KCNA6: variants seen among roughly 807,000 people sequenced by gnomAD.
KCNA6 encodes the protein potassium voltage-gated channel subfamily A member 6, also known as human brain potassium channel-2.
In KCNA6, 17 loss-of-function variants were observed where a neutral mutation model predicts 29.5. The observed-to-expected ratio is 0.58, with a 90% CI of 0.39 to 0.86. The LOEUF is 0.86. Ranked by LOEUF, KCNA6 falls within the 40% of genes least tolerant of loss-of-function variation. The pLI is 0.00. For synonymous variants in KCNA6, 296 were observed against 304.7 expected, an observed-to-expected ratio of 0.97 and a Z score of 0.30; for missense variants, 450 against 703.4, an observed-to-expected ratio of 0.64 and a Z score of 4.07.
chr12:4,822,433 G>C, the KCNA6 span, among the ~76,000 whole-genome samples: 1 of 152,116 alleles, frequency 6.6e-6, no homozygotes, highest in Non-Finnish European at 1.5e-5. Flanking sequence ...AAAGAAATGA[G>C]AGCAGAAATG....
At position 4,810,178 on chromosome 12, in the gene KCNA6, A is replaced by G. The variant is rs776414848; in HGVS notation, c.137A>G (p.Asn46Ser). The G allele has an allele frequency of 2.5e-6, 4 of 1,612,246 alleles. No individual in the cohort carries two copies. Among genetic ancestry groups the G allele is most frequent in the South Asian group, 2.2e-5 (2 of 90,994 alleles). ...TGTAGTAGCGAGCGGCTGGTGATCAATATCTCCGGGCTGCGCTTTGAGACA... is the reference window on the plus strand; with the variant it reads ...TGTAGTAGCGAGCGGCTGGTGATCAGTATCTCCGGGCTGCGCTTTGAGACA... Residue 46 changes from asparagine to serine, a missense_variant, in exon 1 of 1, where the codon AAT (asparagine) becomes AGT (serine). Physicochemically the swap from Asn to Ser is conservative, Grantham distance 46. This residue lies in a region of KCNA6 where 72 missense variants were observed against 64.2 expected (regional missense o/e 1.12). Transcript: ENST00000280684. The surrounding 1 kb of genome is among the most constrained non-coding windows in gnomAD (Gnocchi z 7.5).
downstream of KCNA6, among the ~76,000 whole-genome samples, chr12:4,817,460 C>A (rs1325054866): frequency 6.6e-6 from 1 of 152,146 alleles, no homozygotes; most frequent in Non-Finnish European, 1.5e-5. Context: ...TCCCTTTGTT[C>A]TGAACTTGAG....
At chr12:4,822,612 A>G in the KCNA6 span, among the ~76,000 whole-genome samples, 1 of 152,212 alleles carries the variant, frequency 6.6e-6, no homozygotes, top group Non-Finnish European at 1.5e-5. Flanking sequence ...CCAAAATGGT[A>G]AAAATTAGAA....
chr12:4,823,533 G>A, the KCNA6 span, among the ~76,000 whole-genome samples: 7 of 152,102 alleles, frequency 4.6e-5, no homozygotes, highest in East Asian at 5.8e-4. Context: ...TTGAGAGGCC[G>A]AGGCGGGCGA....
In KCNA6 at chr12:4,811,714, G is replaced by A; in HGVS notation, c.*83G>A. The A allele has an allele frequency of 6.7e-7, 1 of 1,490,402 alleles. No homozygotes were observed. Among genetic ancestry groups the A allele is most frequent in the South Asian group, 1.3e-5 (1 of 76,110 alleles). The allele number at this position is 1,490,402 out of a possible 1,614,324, so 92.3% of individuals were successfully genotyped here. A position where few individuals can be genotyped will look rare whatever the true frequency, so the allele number is the denominator to read the frequency against. ...CTTCTCATTTCCACTACTCACTCTA[G>A]CTTCAGTTGACTTCTTGACTCTCTC... On this transcript the variant is annotated 3_prime_UTR_variant, in exon 1 of 1. Transcript: ENST00000280684. This position sits in a 1 kb window ranked among gnomAD's most constrained non-coding sequence, Gnocchi z 7.1.
the KCNA6 span, among the ~76,000 whole-genome samples, chr12:4,840,235 C>A: frequency 0.093 from 10,549 of 112,906 alleles, 638 homozygotes; most frequent in East Asian, 0.33. Context: ...ATCTATCTAT[C>A]TATCTATCTC....
chr12:4,850,012 G>A, the KCNA6 span, among the ~76,000 whole-genome samples: 11,550 of 152,232 alleles, frequency 0.076, 589 homozygotes, highest in Non-Finnish European at 0.098. This position sits in a 1 kb window ranked among gnomAD's most constrained non-coding sequence, Gnocchi z 5.4. Flanking sequence ...CGGCAGAGGC[G>A]GATGTTAAAC....
chr12:4,827,617 G>A, the KCNA6 span, among the ~76,000 whole-genome samples: 1 of 152,178 alleles, frequency 6.6e-6, no homozygotes, highest in African/African-American at 2.4e-5. Flanking sequence ...TTCCATTTCT[G>A]GGAGACAGCA....
chr12:4,844,611 T>C, the KCNA6 span, among the ~76,000 whole-genome samples: 3 of 152,048 alleles, frequency 2.0e-5, no homozygotes, highest in African/African-American at 7.2e-5. This position sits in a 1 kb window ranked among gnomAD's most constrained non-coding sequence, Gnocchi z 4.0. Context: ...GGAAAGTGAA[T>C]GAGGAGGAGA....
At chr12:4,821,298 C>T in the KCNA6 span, among the ~76,000 whole-genome samples, 2 of 152,112 alleles carry the variant, frequency 1.3e-5, no homozygotes, top group Admixed American at 6.5e-5. Context: ...TAGCTGTGTT[C>T]CCTGCAGAAG....
the KCNA6 span, among the ~76,000 whole-genome samples, chr12:4,831,183 A>G: frequency 1.3e-5 from 2 of 152,172 alleles, no homozygotes; most frequent in African/African-American, 4.8e-5. Flanking sequence ...GGGACCGACG[A>G]GCTCTCCTTT....
At chr12:4,825,155 C>G in the KCNA6 span, among the ~76,000 whole-genome samples, 4 of 152,214 alleles carry the variant, frequency 2.6e-5, no homozygotes, top group African/African-American at 7.2e-5. Flanking sequence ...CTTCCTTCCT[C>G]CTGTTTTGTC....
the KCNA6 span, among the ~76,000 whole-genome samples, chr12:4,831,510 T>C: frequency 6.6e-6 from 1 of 152,122 alleles, no homozygotes; most frequent in Non-Finnish European, 1.5e-5. Context: ...AGCCTCTCTA[T>C]GGGAGAGATG....
the KCNA6 span, among the ~76,000 whole-genome samples, chr12:4,830,072 T>G: frequency 6.6e-6 from 1 of 152,198 alleles, no homozygotes; most frequent in African/African-American, 2.4e-5. Flanking sequence ...CGCGAGGCTC[T>G]TTCTTCCCCT....
At chr12:4,823,687 C>A in the KCNA6 span, among the ~76,000 whole-genome samples, 31,591 of 152,104 alleles carry the variant, frequency 0.21, 3,401 homozygotes, top group Middle Eastern at 0.23. Flanking sequence ...GAATTGCTTG[C>A]ACCAGGGAGG....
exon 1 of KCNA6, chr12:4,812,721 G>T (rs569134115): frequency 1.2e-5 from 2 of 167,058 alleles, no homozygotes; most frequent in Non-Finnish European, 2.9e-5. Flanking sequence ...ACATTGGATG[G>T]CAGCATGGGT....
chr12:4,850,894 C>T, the KCNA6 span: 3 of 430,530 alleles, frequency 7.0e-6, no homozygotes, highest in Non-Finnish European at 1.4e-5. This position sits in a 1 kb window ranked among gnomAD's most constrained non-coding sequence, Gnocchi z 5.4. Flanking sequence ...AAGCAGCAAC[C>T]AAGCCAGAAA....
Position 4,811,632 on chromosome 12 carries a change from C to T in KCNA6, c.*1C>T. ...GAAAAGAATGCTCACGGAGGTCTGA[C>T]CCATGCAGGCAGGGCCTGCAGGAGG... On this transcript the variant is annotated 3_prime_UTR_variant, in exon 1 of 1. Transcript: ENST00000280684. This position sits in a 1 kb window ranked among gnomAD's most constrained non-coding sequence, Gnocchi z 7.1. 2.5e-6 allele frequency: 4 copies of T among 1,610,538 alleles called. No individual in the cohort carries two copies. The highest frequency in any genetic ancestry group is 3.4e-6 in the Non-Finnish European group (4 of 1,177,660).
chr12:4,823,564 C>T, the KCNA6 span, among the ~76,000 whole-genome samples: 7 of 151,932 alleles, frequency 4.6e-5, no homozygotes, highest in African/African-American at 9.7e-5. Context: ...GTCAGGAGTT[C>T]GAGATGAGCC....
Sources: gnomAD v4.1 joint callset for allele counts (sites outside exome capture counted in the v4.1 genomes callset) on GRCh38, gnomAD v4.1.1 for gene constraint, gnomAD v4.1.1 regional missense constraint, Gnocchi (gnomAD v3.1) non-coding constraint, MANE v1.5 for transcripts, NCBI Gene and HGNC (gene_info 2026-07-23, HGNC 2026-07-21) for gene names.